The following PTGFRN variants were observed in gnomAD, a reference collection of about 807,000 sequenced individuals.
PTGFRN encodes the protein prostaglandin F2 receptor negative regulator.
A neutral mutation model predicts 83.2 loss-of-function variants in PTGFRN; 35 were observed. That is an observed-to-expected ratio of 0.42 (90% CI 0.32 to 0.56). The LOEUF (loss-of-function observed/expected upper bound fraction) is 0.56, where lower values mean the gene tolerates loss of function less well. PTGFRN is among the 20% of genes least tolerant of loss of function. The pLI is 0.11. For synonymous variants in PTGFRN, 519 were observed against 498.6 expected, an observed-to-expected ratio of 1.04 and a Z score of -0.55; for missense variants, 1,051 against 1,179.5, an observed-to-expected ratio of 0.89 and a Z score of 1.60.
chr1:116,966,714 A>G (rs1158607000), intron 5 of PTGFRN, among the ~76,000 whole-genome samples, 197 bp from the exon 6 acceptor site: 3 of 152,204 alleles, frequency 2.0e-5, no homozygotes, highest in Non-Finnish European at 4.4e-5. Flanking sequence ...TTCATTTCAG[A>G]CTATTACTTT....
At chr1:116,982,858 G>A (rs904448757) in intron 7 of PTGFRN, among the ~76,000 whole-genome samples, 6 of 152,140 alleles carry the variant, frequency 3.9e-5, no homozygotes, top group African/African-American at 7.2e-5. Context: ...GCCTAAGCCC[G>A]GCCTCTGGAG....
intron 8 of PTGFRN, 73 bp from the exon 9 acceptor site, chr1:116,986,728 G>T: frequency 6.8e-7 from 1 of 1,467,566 alleles, no homozygotes; most frequent in Non-Finnish European, 9.4e-7. Context: ...AGTGGGGAAG[G>T]GAGGCGAGGG....
chr1:116,945,486 G>T lies in PTGFRN; in HGVS notation c.832+394G>T, dbSNP rs964333779. ...CACACCCTGCCCCTAAACTTTATCG[G>T]GTTTGATGTTTCCTGAGTCCTTTGA... is the stretch of plus-strand genomic sequence containing the variant. On this transcript the variant is annotated intron_variant, in intron 3 of 8. Transcript: ENST00000393203. Among the ~76,000 whole-genome samples, 3 of 152,134 alleles carry T rather than the reference G, an allele frequency of 2.0e-5. No homozygotes were observed. In the East Asian group the frequency reaches 5.8e-4, roughly 29 times the overall value.
chr1:116,984,819 G>A lies in PTGFRN; in HGVS notation c.2307G>A (p.Glu769=). Residue 769 remains glutamate, a synonymous_variant, in exon 8 of 9, where the codon GAG becomes GAA. Coordinates refer to ENST00000393203, the MANE Select transcript of PTGFRN (RefSeq NM_020440.4). ...RRDWKSDLSL[E]RVSVLEFLLQ... ...ACTGGAAGAGCGACCTCAGCCTGGA[G>A]CGCGTGAGTGTGCTGGAATTCTTGC... is the stretch of plus-strand genomic sequence containing the variant. The A allele has an allele frequency of 6.2e-7, 1 of 1,614,144 alleles. No homozygotes were observed. Among genetic ancestry groups the A allele is most frequent in the Admixed American group, 1.7e-5 (1 of 59,990 alleles).
chr1:116,910,706 A>C (rs1276272424), intron 1 of PTGFRN, among the ~76,000 whole-genome samples: 1 of 151,716 alleles, frequency 6.6e-6, no homozygotes, highest in Non-Finnish European at 1.5e-5. Context: ...TCTTCACCCA[A>C]CCCGCGCGGA....
At position 116,967,136 on chromosome 1, in the gene PTGFRN, C is replaced by G; in HGVS notation, c.1865C>G (p.Ala622Gly). 6.2e-7 allele frequency: 1 copy of G among 1,614,206 alleles called. No individual in the cohort carries two copies. The highest frequency in any genetic ancestry group is 8.5e-7 in the Non-Finnish European group (1 of 1,180,038). ...GTGAAGCTGGAGAATTGGACAGATG[C>G]ATCACGGGTGGATGGCGTTGTTTTA... is the stretch of plus-strand genomic sequence containing the variant. ...SVVKLENWTDASRVDGVVLEK... is the reference protein window; with the variant it reads ...SVVKLENWTDGSRVDGVVLEK... The change falls in exon 6 of 9, where the codon GCA becomes GGA. Residue 622 changes from alanine to glycine, a missense_variant. This residue lies in a region of PTGFRN where 719 missense variants were observed against 836.6 expected (regional missense o/e 0.86). Transcript: ENST00000393203.
At chr1:116,979,724 G>C (rs1348713245) in intron 7 of PTGFRN, among the ~76,000 whole-genome samples, 2 of 152,008 alleles carry the variant, frequency 1.3e-5, no homozygotes, top group Admixed American at 6.5e-5. Flanking sequence ...ATTAATTCAA[G>C]ATGGATTAAA....
intron 1 of PTGFRN, among the ~76,000 whole-genome samples, chr1:116,910,513 G>A (rs992992189): frequency 1.3e-5 from 2 of 152,030 alleles, no homozygotes; most frequent in African/African-American, 2.4e-5. Flanking sequence ...CCCAACATGT[G>A]CCGGGGGGAG....
intron 7 of PTGFRN, among the ~76,000 whole-genome samples, chr1:116,974,904 C>T (rs9970548): frequency 0.018 from 2,774 of 152,232 alleles, 94 homozygotes; most frequent in African/African-American, 0.064. Context: ...GCCCACCGAG[C>T]GTGAGCCGAA....
chr1:116,912,942 C>G lies in PTGFRN; in HGVS notation c.49+2690C>G, dbSNP rs540844906. On this transcript the variant is annotated intron_variant, in intron 1 of 8. Transcript: ENST00000393203. ...CTAAGCCTACCTACCATGATCACAC[C>G]AGAACCCACCCAGCCACATAGAGCA... 9.9e-5 allele frequency among the ~76,000 whole-genome samples: 15 copies of G among 152,208 alleles called. 1 individual carries two copies. The highest frequency in any genetic ancestry group is 1.9e-4 in the Non-Finnish European group (13 of 68,048).
rs759360708 is a variant in PTGFRN at position 116,949,201 on chromosome 1, C to T, written c.842C>T (p.Ala281Val). The T allele has an allele frequency of 1.1e-5, 17 of 1,580,308 alleles. No individual in the cohort carries two copies. The South Asian group carries it at 2.0e-4, about 18-fold the overall frequency. The change falls in exon 4 of 9, where the codon GCA becomes GTA. Residue 281 changes from alanine (A) to valine (V), a missense_variant. Ala to Val is a moderately conservative substitution (Grantham distance 64, BLOSUM62 0). Coordinates refer to ENST00000393203, the MANE Select transcript of PTGFRN (RefSeq NM_020440.4). ...GTTTTTAATTTTCAAGTTCTGCGAG[C>T]AGCTGTGCCCAAGAATGTGTCTGTG... The part of the protein sequence containing the change: ...TVVIQPSVLR[A>V]AVPKNVSVAE...
chr1:116,942,124 C>A, intron 2 of PTGFRN, 41 bp downstream of exon 2: 1 of 1,564,986 alleles, frequency 6.4e-7, no homozygotes, highest in Non-Finnish European at 8.7e-7. Flanking sequence ...GGGGCCAGAC[C>A]TTTCTCTGCC....
intron 1 of PTGFRN, 134 bp downstream of exon 1, chr1:116,910,386 G>A (rs571096041): frequency 2.5e-6 from 2 of 795,816 alleles, no homozygotes; most frequent in East Asian, 9.9e-5. Context: ...CGGCCGGGGT[G>A]CGCGGGTTGT....
Position 116,952,689 on chromosome 1 carries a change from T to C in PTGFRN, c.1213+3117T>C, listed in dbSNP as rs747965452. Among the ~76,000 whole-genome samples, 1 of 152,244 alleles carries C rather than the reference T, an allele frequency of 6.6e-6. No homozygotes were observed. The highest frequency in any genetic ancestry group is 1.5e-5 in the Non-Finnish European group (1 of 68,034). ...TCCTCTGAGGAAGGAAAACATTAAC[T>C]CTTTCAGCAAGACAAACTTTCTCTT... On this transcript the variant is annotated intron_variant, in intron 4 of 8. Coordinates refer to ENST00000393203, the MANE Select transcript of PTGFRN (RefSeq NM_020440.4). This position sits in a 1 kb window ranked among gnomAD's most constrained non-coding sequence, Gnocchi z 4.0.
At chr1:116,968,775 G>A (rs980924888) in intron 6 of PTGFRN, among the ~76,000 whole-genome samples, 12 of 152,062 alleles carry the variant, frequency 7.9e-5, no homozygotes, top group Admixed American at 2.0e-4. Context: ...CCTCTTCTGG[G>A]TGTTTCATAT....
Position 116,961,796 on chromosome 1 carries a change from C to G in PTGFRN, c.1639+128C>G. The G allele has an allele frequency of 1.1e-6, 1 of 928,190 alleles. No homozygotes were observed. Among genetic ancestry groups the G allele is most frequent in the Non-Finnish European group, 1.6e-6 (1 of 631,086 alleles). The allele number at this position is 928,190 out of a possible 1,614,324, so 57.5% of individuals were successfully genotyped here. ...AGGAATGTGTGTCCTGGACATTGAT[C>G]GCCATGCGACCCGTTGCACATGCTC... is the stretch of plus-strand genomic sequence containing the variant. On this transcript the variant is annotated intron_variant, in intron 5 of 8. Coordinates refer to ENST00000393203, the MANE Select transcript of PTGFRN (RefSeq NM_020440.4). The surrounding 1 kb of genome is among the most constrained non-coding windows in gnomAD (Gnocchi z 5.4).
intron 4 of PTGFRN, among the ~76,000 whole-genome samples, chr1:116,960,736 G>T (rs1424805237): frequency 1.3e-5 from 2 of 152,198 alleles, no homozygotes; most frequent in Non-Finnish European, 2.9e-5. Flanking sequence ...TGCATTTAGG[G>T]CATGGCCAAG....
chr1:116,925,924 CAG>C (rs1649646998), intron 1 of PTGFRN, among the ~76,000 whole-genome samples: 1 of 152,184 alleles, frequency 6.6e-6, no homozygotes, highest in Non-Finnish European at 1.5e-5. Flanking sequence ...CATGTGAACC[CAG>C]AGTCTTTTTT....
chr1:116,977,218 T>G (rs1651182994), intron 7 of PTGFRN, among the ~76,000 whole-genome samples: 1 of 152,156 alleles, frequency 6.6e-6, no homozygotes, highest in Non-Finnish European at 1.5e-5. Context: ...CCTAGATTCA[T>G]AAAACAAGTC....
Sources: allele counts gnomAD v4.1 joint callset (sites outside exome capture counted in the v4.1 genomes callset), GRCh38; gene constraint gnomAD v4.1.1; regional missense constraint gnomAD v4.1.1; non-coding constraint Gnocchi (gnomAD v3.1); transcripts MANE v1.5; gene names NCBI Gene and HGNC (gene_info 2026-07-23, HGNC 2026-07-21).